Variants in INPP4B observed in about 807,000 individuals in gnomAD.
INPP4B encodes the protein inositol polyphosphate-4-phosphatase type II B.
Under a neutral mutation model 122.5 loss-of-function variants are expected in INPP4B, and 55 were observed. The observed-to-expected ratio is 0.45, with a 90% CI of 0.36 to 0.56. The LOEUF (loss-of-function observed/expected upper bound fraction) is 0.56, where lower values mean the gene tolerates loss of function less well. Among genes scored for constraint, INPP4B ranks in the 20% least tolerant of loss-of-function variants. The pLI is 0.00. For synonymous variants in INPP4B, 403 were observed against 388.7 expected, an observed-to-expected ratio of 1.04 and a Z score of -0.43; for missense variants, 1,000 against 1,097.7, an observed-to-expected ratio of 0.91 and a Z score of 1.26.
At chr4:142,351,700 G>T (rs960040755) in intron 7 of INPP4B, among the ~76,000 whole-genome samples, 6 of 151,878 alleles carry the variant, frequency 4.0e-5, no homozygotes, top group African/African-American at 1.4e-4. Context: ...AAATAAGTTG[G>T]CCAAGATGAA....
chr4:142,106,471 G>C (rs997359440), intron 23 of INPP4B, among the ~76,000 whole-genome samples: 1 of 152,014 alleles, frequency 6.6e-6, no homozygotes, highest in Non-Finnish European at 1.5e-5. Flanking sequence ...TGTAGAGATG[G>C]GGTTTCACCA....
intron 25 of INPP4B, among the ~76,000 whole-genome samples, chr4:142,067,268 G>C (rs1041423928): frequency 6.6e-6 from 1 of 152,188 alleles, no homozygotes; most frequent in African/African-American, 2.4e-5. Flanking sequence ...GGTCCTGACT[G>C]TTAGAAGGAA....
intron 25 of INPP4B, among the ~76,000 whole-genome samples, chr4:142,072,319 C>T (rs921633464): frequency 6.6e-6 from 1 of 151,344 alleles, no homozygotes; most frequent in Admixed American, 6.6e-5. Context: ...GGGAACATCA[C>T]ACATCGGGGC....
At chr4:142,838,015 C>G (rs997214420) in intron 1 of INPP4B, among the ~76,000 whole-genome samples, 1 of 150,344 alleles carries the variant, frequency 6.7e-6, no homozygotes, top group Non-Finnish European at 1.5e-5. Flanking sequence ...CAAGTGCTTA[C>G]AGCCATGGGA....
intron 2 of INPP4B, among the ~76,000 whole-genome samples, chr4:142,628,503 G>A (rs1286805509): frequency 8.0e-5 from 10 of 125,232 alleles, no homozygotes; most frequent in Non-Finnish European, 1.6e-4. Context: ...CATGGCACAT[G>A]TATACATATG....
chr4:142,829,368 C>A (rs1345222957), intron 1 of INPP4B, among the ~76,000 whole-genome samples: 1 of 152,070 alleles, frequency 6.6e-6, no homozygotes, highest in African/African-American at 2.4e-5. Flanking sequence ...AGAGTGAGTC[C>A]AGGTGTTTAT....
intron 12 of INPP4B, among the ~76,000 whole-genome samples, chr4:142,230,599 C>T (rs1284128837): frequency 7.4e-6 from 1 of 135,490 alleles, no homozygotes; most frequent in Non-Finnish European, 1.5e-5. Flanking sequence ...GCCGAGATCA[C>T]ACCATTGCAC....
chr4:142,487,804 A>G (rs1821386887), intron 2 of INPP4B, among the ~76,000 whole-genome samples: 1 of 152,102 alleles, frequency 6.6e-6, no homozygotes, highest in African/African-American at 2.4e-5. Flanking sequence ...ATACGCACAT[A>G]TTACTTTTAG....
At chr4:142,841,184 G>A (rs568171935) in intron 1 of INPP4B, among the ~76,000 whole-genome samples, 27 of 152,116 alleles carry the variant, frequency 1.8e-4, no homozygotes, top group Middle Eastern at 3.4e-3. Flanking sequence ...ACATCATAGA[G>A]TGTTAACTGA....
intron 25 of INPP4B, among the ~76,000 whole-genome samples, chr4:142,058,055 T>C (rs1758631258): frequency 6.6e-6 from 1 of 152,148 alleles, no homozygotes; most frequent in Non-Finnish European, 1.5e-5. Flanking sequence ...GAACATATTT[T>C]ATCTACCTAA....
chr4:142,317,564 G>C, intron 7 of INPP4B: 1 of 218,144 alleles, frequency 4.6e-6, no homozygotes, highest in Admixed American at 4.6e-5. Flanking sequence ...AATTTGTCCT[G>C]TATGGAAAAT....
chr4:142,037,348 T>C (rs1234359777), intron 25 of INPP4B, among the ~76,000 whole-genome samples: 1 of 152,118 alleles, frequency 6.6e-6, no homozygotes, highest in African/African-American at 2.4e-5. Flanking sequence ...CAAGTATCTA[T>C]GCTGTATCCT....
intron 7 of INPP4B, among the ~76,000 whole-genome samples, chr4:142,349,893 T>TAAA (rs10631958): frequency 0.26 from 38,894 of 148,024 alleles, 5,674 homozygotes; most frequent in South Asian, 0.39. Context: ...AGATAAGTTG[T>TAAA]AAAAAAAAAA....
chr4:142,537,447 G>C lies in INPP4B; in HGVS notation c.-190-74721C>G, dbSNP rs1273742560. On this transcript the variant is annotated intron_variant, in intron 2 of 25. Transcript: ENST00000262992. ...ATATATATAGAGAGAGAGAGAGAGA[G>C]AGAGAGAGAGAGAGAGAGAGAGAGA... Among the ~76,000 whole-genome samples the C allele has an allele frequency of 1.8e-5, 2 of 109,216 alleles. 1 individual carries two copies. Among genetic ancestry groups the C allele is most frequent in the South Asian group, 6.7e-4 (2 of 2,998 alleles). The allele number at this position is 109,216 out of a possible 152,430, so 71.6% of individuals were successfully genotyped here.
At chr4:142,213,831 A>G (rs1010209231) in intron 12 of INPP4B, among the ~76,000 whole-genome samples, 6 of 152,062 alleles carry the variant, frequency 3.9e-5, no homozygotes, top group African/African-American at 7.2e-5. Context: ...AGTCCACCCA[A>G]CATGTCAGGC....
intron 25 of INPP4B, among the ~76,000 whole-genome samples, chr4:142,038,538 A>G (rs1745354201): frequency 1.3e-5 from 2 of 152,174 alleles, no homozygotes; most frequent in South Asian, 4.1e-4. Context: ...AGTTCTACCC[A>G]CATGTGTACT....
At chr4:142,163,813 G>A (rs1561340792) in intron 16 of INPP4B, among the ~76,000 whole-genome samples, 1 of 151,730 alleles carries the variant, frequency 6.6e-6, no homozygotes, top group East Asian at 1.9e-4. Flanking sequence ...GAAAGTTGAA[G>A]TCATGGAAAG....
At chr4:142,530,084 G>A (rs76212067) in intron 2 of INPP4B, among the ~76,000 whole-genome samples, 35 of 152,174 alleles carry the variant, frequency 2.3e-4, no homozygotes, top group African/African-American at 8.4e-4. Context: ...TACTACATAT[G>A]TCAACTCCAA....
intron 7 of INPP4B, among the ~76,000 whole-genome samples, chr4:142,391,051 A>G (rs900612357): frequency 1.3e-5 from 2 of 152,196 alleles, no homozygotes; most frequent in Non-Finnish European, 2.9e-5. Flanking sequence ...AAAACTGCTA[A>G]CCCAAGTAGA....
Sources: allele counts gnomAD v4.1 joint callset (sites outside exome capture counted in the v4.1 genomes callset), GRCh38; gene constraint gnomAD v4.1.1; transcripts MANE v1.5; gene names NCBI Gene and HGNC (gene_info 2026-07-23, HGNC 2026-07-21).